The following DENND2B variants were observed in gnomAD, a reference collection of about 807,000 sequenced individuals.
The protein encoded by DENND2B is DENN domain-containing protein 2B.
In DENND2B, 32 loss-of-function variants were observed where a neutral mutation model predicts 116.0. The ratio of observed to expected loss-of-function variants is 0.28; its 90% CI spans 0.21 to 0.37. The LOEUF is 0.37. DENND2B is among the 10% of genes least tolerant of loss of function. DENND2B has a pLI of 1.00. For missense variants in DENND2B, 1,276 were observed against 1,477.7 expected, an observed-to-expected ratio of 0.86 and a Z score of 2.24; for synonymous variants, 588 against 583.9, an observed-to-expected ratio of 1.01 and a Z score of -0.10.
Position 8,707,002 on chromosome 11 carries a change from C to A in DENND2B, c.2571+83G>T. On this transcript the variant is annotated intron_variant, in intron 13 of 19. Transcript: ENST00000313726. The surrounding 1 kb of genome is among the most constrained non-coding windows in gnomAD (Gnocchi z 4.8). ...CAAGGAGGGACCGTGCTCTGCAACC[C>A]CCAAAGACTACGACCTTGGCCAGCA... is the stretch of plus-strand genomic sequence containing the variant. The A allele has an allele frequency of 1.3e-6, 2 of 1,529,162 alleles. No individual in the cohort carries two copies. The highest frequency in any genetic ancestry group is 8.8e-7 in the Non-Finnish European group (1 of 1,132,778). The allele number at this position is 1,529,162 out of a possible 1,614,324, so 94.7% of individuals were successfully genotyped here.
intron 1 of DENND2B, among the ~76,000 whole-genome samples, chr11:8,796,961 T>C (rs892220587): frequency 7.9e-5 from 12 of 152,134 alleles, no homozygotes; most frequent in African/African-American, 2.9e-4. Context: ...AAAAAACTCA[T>C]TCAATTCTGC....
At chr11:8,731,953 T>C (rs926809818) in intron 2 of DENND2B, among the ~76,000 whole-genome samples, 2 of 152,198 alleles carry the variant, frequency 1.3e-5, no homozygotes, top group Non-Finnish European at 2.9e-5. Flanking sequence ...GATCTTTCCC[T>C]TTAACAAGCC....
Position 8,707,933 on chromosome 11 carries a change from G to C in DENND2B, c.2353-79C>G. The C allele has an allele frequency of 6.5e-7, 1 of 1,549,728 alleles. No homozygotes were observed. Among genetic ancestry groups the C allele is most frequent in the Non-Finnish European group, 8.7e-7 (1 of 1,149,320 alleles). On this transcript the variant is annotated intron_variant, in intron 11 of 19. Coordinates refer to ENST00000313726, the MANE Select transcript of DENND2B (RefSeq NM_213618.2). This position sits in a 1 kb window ranked among gnomAD's most constrained non-coding sequence, Gnocchi z 4.8. ...TACCATTTCTGGCTCCTTTTCCTTG[G>C]GAACGGAGGAGTAAGGACTGCCCTT...
chr11:8,790,825 G>A (rs1053345102), intron 1 of DENND2B, among the ~76,000 whole-genome samples: 5 of 152,072 alleles, frequency 3.3e-5, no homozygotes, highest in Admixed American at 1.3e-4. Flanking sequence ...AATGATGCTC[G>A]CTAAATCCTG....
At chr11:8,795,329 T>C (rs1252759432) in intron 1 of DENND2B, among the ~76,000 whole-genome samples, 1 of 152,230 alleles carries the variant, frequency 6.6e-6, no homozygotes, top group Admixed American at 6.5e-5. Flanking sequence ...AATTAACATC[T>C]GGCCCTCATA....
chr11:8,904,077 T>C (rs567864996), intron 1 of DENND2B, among the ~76,000 whole-genome samples: 6 of 152,012 alleles, frequency 3.9e-5, no homozygotes, highest in Non-Finnish European at 7.4e-5. Context: ...TCCTAAATCA[T>C]TCTATAAGGC....
chr11:8,697,886 TGGA>T (rs1407494245), intron 16 of DENND2B: 1 of 538,352 alleles, frequency 1.9e-6, no homozygotes, highest in Non-Finnish European at 3.4e-6. Context: ...CCCAACACTT[TGGA>T]AGGCTGAGCG....
At chr11:8,852,415 T>C (rs76279650) in intron 3 of DENND2B, among the ~76,000 whole-genome samples, 1 of 152,306 alleles carries the variant, frequency 6.6e-6, no homozygotes, top group Non-Finnish European at 1.5e-5. Context: ...GAAGATGGCT[T>C]GAGACCAAGA....
upstream of DENND2B, chr11:8,810,990 A>T (rs1258910822): frequency 1.0e-5 from 3 of 286,868 alleles, no homozygotes; most frequent in East Asian, 1.7e-4. Flanking sequence ...GAGAAGGGAG[A>T]AGACAGTGAG....
chr11:8,735,349 C>T (rs2048835468), intron 2 of DENND2B, among the ~76,000 whole-genome samples: 1 of 152,162 alleles, frequency 6.6e-6, no homozygotes, highest in Admixed American at 6.5e-5. Context: ...ATGAATGAGG[C>T]CACCTTGGAC....
intron 4 of DENND2B, among the ~76,000 whole-genome samples, chr11:8,827,012 G>C (rs560853268): frequency 7.2e-5 from 11 of 152,228 alleles, no homozygotes; most frequent in Non-Finnish European, 1.3e-4. Context: ...TTGAAGGACA[G>C]AAACAGGAGG....
chr11:8,813,504 A>C (rs901827095), upstream of DENND2B, among the ~76,000 whole-genome samples: 2 of 152,276 alleles, frequency 1.3e-5, no homozygotes, highest in East Asian at 1.9e-4. Context: ...GATCCTCAAA[A>C]TGCACATTCC....
At chr11:8,819,093 C>A (rs2061674993) in intron 4 of DENND2B, among the ~76,000 whole-genome samples, 1 of 152,060 alleles carries the variant, frequency 6.6e-6, no homozygotes, top group Non-Finnish European at 1.5e-5. Flanking sequence ...TGTTTTATAG[C>A]AGGTAGAAGT....
intron 1 of DENND2B, among the ~76,000 whole-genome samples, chr11:8,889,687 G>T (rs1057344237): frequency 1.3e-5 from 2 of 152,354 alleles, no homozygotes; most frequent in East Asian, 1.9e-4. Context: ...TGGCAGCGAG[G>T]CTCAGGGAGG....
rs1270407539 is a variant in DENND2B at position 8,714,137 on chromosome 11, C to T, written c.1943-95G>A. ...CCAGCTTTTCTCACAGGGGATGGAT[C>T]TCTACCTTCTCTGGGCTACTCTGGG... On this transcript the variant is annotated intron_variant, in intron 7 of 19. Transcript: ENST00000313726. The T allele has an allele frequency of 6.4e-6, 8 of 1,258,176 alleles. No homozygotes were observed. In the Admixed American group the frequency reaches 8.5e-5, roughly 13 times the overall value. 77.9% of individuals were successfully genotyped at this position (1,258,176 alleles called of 1,614,324 possible).
intron 2 of DENND2B, among the ~76,000 whole-genome samples, chr11:8,869,618 C>T (rs780999852): frequency 1.5e-4 from 22 of 151,128 alleles, no homozygotes; most frequent in South Asian, 4.2e-4. Context: ...GCCGAGATTG[C>T]GCCACTGCAC....
At chr11:8,746,311 TCTGCATAAAAAC>T (rs1482078372) in intron 2 of DENND2B, among the ~76,000 whole-genome samples, 1 of 152,152 alleles carries the variant, frequency 6.6e-6, no homozygotes, top group Admixed American at 6.6e-5. Flanking sequence ...GAGGCCACCC[TCTGCATAAAAAC>T]CTGCAAATAT....
chr11:8,876,128 G>A (rs906685580), upstream of DENND2B, among the ~76,000 whole-genome samples: 8 of 152,122 alleles, frequency 5.3e-5, no homozygotes, highest in African/African-American at 1.7e-4. Flanking sequence ...GCTCATACCT[G>A]TAATCCTAGC....
At chr11:8,892,877 A>G (rs1282228172) in intron 1 of DENND2B, among the ~76,000 whole-genome samples, 2 of 152,194 alleles carry the variant, frequency 1.3e-5, no homozygotes, top group Admixed American at 6.5e-5. Context: ...AAAAGAGGGA[A>G]TCCTCCCTAA....
Sources: gnomAD v4.1 joint callset for allele counts (sites outside exome capture counted in the v4.1 genomes callset) on GRCh38, gnomAD v4.1.1 for gene constraint, Gnocchi (gnomAD v3.1) non-coding constraint, MANE v1.5 for transcripts, NCBI Gene and HGNC (gene_info 2026-07-23, HGNC 2026-07-21) for gene names.